Variants in NUDC observed in about 807,000 individuals in gnomAD.
NUDC encodes the protein nuclear migration protein nudC.
In NUDC, 14 loss-of-function variants were observed where a neutral mutation model predicts 45.0. The observed-to-expected ratio is 0.31, with a 90% confidence interval of 0.21 to 0.49. The LOEUF is 0.49. Ranked by LOEUF, NUDC falls within the 20% of genes least tolerant of loss-of-function variation. The pLI is 0.99. For missense variants in NUDC, 323 were observed against 426.2 expected, an observed-to-expected ratio of 0.76 and a Z score of 2.13; for synonymous variants, 153 against 156.7, an observed-to-expected ratio of 0.98 and a Z score of 0.17.
At chr1:26,922,079 C>A in intron 1 of NUDC, 150 bp downstream of exon 1, 1 of 794,472 alleles carries the variant, frequency 1.3e-6, no homozygotes, top group Non-Finnish European at 2.0e-6. Context: ...CCGGCCTGGC[C>A]ACCCGCCAGC....
At chr1:26,922,027 C>A in intron 1 of NUDC, 98 bp downstream of exon 1, 1 of 1,293,438 alleles carries the variant, frequency 7.7e-7, no homozygotes, top group Non-Finnish European at 1.1e-6. Context: ...CAGCGGCTCG[C>A]GGGCTTCTGG....
intron 2 of NUDC, among the ~76,000 whole-genome samples, chr1:26,928,830 A>G (rs1019746819): frequency 2.6e-5 from 4 of 152,236 alleles, no homozygotes; most frequent in Non-Finnish European, 5.9e-5. Context: ...GGGAATGTCA[A>G]ATGGTGCATC....
At chr1:26,906,685 T>A (rs1158378668) in intron 2 of NUDC, among the ~76,000 whole-genome samples, 1 of 149,758 alleles carries the variant, frequency 6.7e-6, no homozygotes, top group Non-Finnish European at 1.5e-5. Flanking sequence ...CTGTCTCTAC[T>A]AAAAATACAA....
exon 2 of NUDC, chr1:26,902,322 C>T (rs1570705693): frequency 1.3e-5 from 2 of 152,276 alleles, no homozygotes; most frequent in East Asian, 3.8e-4. Flanking sequence ...AGCCAGCGCA[C>T]ATCTCCTCCT....
At chr1:26,924,430 T>C (rs1444352311) in intron 2 of NUDC, among the ~76,000 whole-genome samples, 1 of 152,180 alleles carries the variant, frequency 6.6e-6, no homozygotes, top group Non-Finnish European at 1.5e-5. Flanking sequence ...CAAGAGAATT[T>C]TGCACCTTAT....
chr1:26,914,050 TC>T, intron 3 of NUDC: 1 of 882,212 alleles, frequency 1.1e-6, no homozygotes, highest in Non-Finnish European at 1.5e-6. Flanking sequence ...CAACCTTGAC[TC>T]CAGAAGTCAT....
At chr1:26,903,573 A>G (rs958580296) in intron 2 of NUDC, among the ~76,000 whole-genome samples, 1 of 152,188 alleles carries the variant, frequency 6.6e-6, no homozygotes, top group Non-Finnish European at 1.5e-5. Context: ...GAATTTTAAA[A>G]ATTGGAAAAC....
At chr1:26,918,938 C>T (rs184902093), upstream of NUDC, among the ~76,000 whole-genome samples, 3 of 152,126 alleles carry the variant, frequency 2.0e-5, no homozygotes, top group Non-Finnish European at 4.4e-5. Context: ...CCACCACACC[C>T]AACTAATCTT....
intron 2 of NUDC, among the ~76,000 whole-genome samples, chr1:26,928,957 C>A (rs1276189747): frequency 6.6e-6 from 1 of 152,130 alleles, no homozygotes; most frequent in Non-Finnish European, 1.5e-5. Flanking sequence ...GATTTACTTG[C>A]ACACCCATGT....
intron 2 of NUDC, among the ~76,000 whole-genome samples, chr1:26,936,134 A>AATATAT (rs1215586103): frequency 0.039 from 265 of 6,800 alleles, 28 homozygotes; most frequent in East Asian, 0.048. Flanking sequence ...ACGCCCGGCT[A>AATATAT]ATATATATAT....
chr1:26,901,449 G>GT (rs2081978449), intron 1 of NUDC, among the ~76,000 whole-genome samples: 1 of 138,990 alleles, frequency 7.2e-6, no homozygotes. Flanking sequence ...CTGTCATCCA[G>GT]GCTGGAGTGC....
chr1:26,946,713 G>T lies in NUDC; in HGVS notation c.*532G>T, dbSNP rs367966321. 162 of 183,704 alleles carry T rather than the reference G, an allele frequency of 8.8e-4. No individual in the cohort carries two copies. The highest frequency in any genetic ancestry group is 3.4e-3 in the African/African-American group (145 of 42,118). The allele number at this position is 183,704 out of a possible 1,614,324, so 11.4% of individuals were successfully genotyped here. A position where few individuals can be genotyped will look rare whatever the true frequency, so the allele number is the denominator to read the frequency against. ...CTAAAAATACAAAAATTAGCCGGGTGTGGTGGTGCACACCTGTAATCCCAG... is the reference window on the plus strand; with the variant it reads ...CTAAAAATACAAAAATTAGCCGGGTTTGGTGGTGCACACCTGTAATCCCAG... On this transcript the variant is annotated 3_prime_UTR_variant, in exon 9 of 9. Coordinates refer to ENST00000321265, the MANE Select transcript of NUDC (RefSeq NM_006600.4).
At chr1:26,933,998 C>A (rs2082205521) in intron 2 of NUDC, among the ~76,000 whole-genome samples, 1 of 152,074 alleles carries the variant, frequency 6.6e-6, no homozygotes, top group African/African-American at 2.4e-5. Context: ...CCTAAAAATA[C>A]AAAAATTAGC....
At chr1:26,945,495 G>A (rs1234307434) in intron 7 of NUDC, 22 bp downstream of exon 7, 2 of 1,613,466 alleles carry the variant, frequency 1.2e-6, no homozygotes, top group Non-Finnish European at 1.7e-6. Context: ...CTGGTTGGGG[G>A]AGCTTCAGCA....
rs769334791 is a variant in NUDC, at chr1:26,941,721, C to T, written c.364-32C>T. 4 of 1,613,560 alleles carry T rather than the reference C, an allele frequency of 2.5e-6. No homozygotes were observed. The South Asian group carries it at 4.4e-5, about 18-fold the overall frequency. ...CCCCCCTGGCACTGAGCAGTGGGGT[C>T]CTGTTGCCAACTGCTGTGCTCTTTG... On this transcript the variant is annotated intron_variant, in intron 3 of 8. Coordinates refer to ENST00000321265, the MANE Select transcript of NUDC (RefSeq NM_006600.4).
chr1:26,924,912 A>G (rs1026459181), intron 2 of NUDC, among the ~76,000 whole-genome samples: 1 of 149,210 alleles, frequency 6.7e-6, no homozygotes, highest in Non-Finnish European at 1.5e-5. Flanking sequence ...ATGGAGTCTC[A>G]TTCTGTTGCG....
chr1:26,928,978 C>T (rs1341126245), intron 2 of NUDC, among the ~76,000 whole-genome samples: 1 of 152,154 alleles, frequency 6.6e-6, no homozygotes, highest in African/African-American at 2.4e-5. Context: ...TCACAGCAGC[C>T]TTATTCATAA....
chr1:26,936,485 C>T (rs1178051127), intron 2 of NUDC, among the ~76,000 whole-genome samples: 1 of 151,324 alleles, frequency 6.6e-6, no homozygotes, highest in African/African-American at 2.4e-5. Context: ...CCACCGAGCC[C>T]AGCCTAATTT....
At chr1:26,919,456 C>A (rs930625614), upstream of NUDC, among the ~76,000 whole-genome samples, 1 of 152,192 alleles carries the variant, frequency 6.6e-6, no homozygotes, top group Non-Finnish European at 1.5e-5. Context: ...CCTCCGCAGT[C>A]GGCCTGGATC....
Sources: allele counts gnomAD v4.1 joint callset (sites outside exome capture counted in the v4.1 genomes callset), GRCh38; gene constraint gnomAD v4.1.1; transcripts MANE v1.5; gene names NCBI Gene and HGNC (gene_info 2026-07-23, HGNC 2026-07-21).